The following CSMD1 variants were observed in gnomAD, a reference collection of about 807,000 sequenced individuals.
CSMD1 encodes the protein CUB and Sushi multiple domains 1, also known as CUB and sushi domain-containing protein 1.
Under a neutral mutation model 417.5 loss-of-function variants are expected in CSMD1, and 213 were observed. The observed-to-expected ratio is 0.51, with a 90% CI of 0.46 to 0.57. The LOEUF (loss-of-function observed/expected upper bound fraction) is 0.57. CSMD1 is among the 20% of genes least tolerant of loss of function. CSMD1 has a pLI of 0.00. For synonymous variants in CSMD1, 2,862 were observed against 1,736.8 expected, an observed-to-expected ratio of 1.65 and a Z score of -16.11; for missense variants, 6,923 against 4,529.7, an observed-to-expected ratio of 1.53 and a Z score of -15.17.
At chr8:3,172,452 T>C (rs1336284827) in intron 37 of CSMD1, among the ~76,000 whole-genome samples, 14 of 152,200 alleles carry the variant, frequency 9.2e-5, no homozygotes, top group Admixed American at 5.9e-4. Context: ...AAGGTGCTTA[T>C]CATAACCTAT....
chr8:4,544,778 G>C (rs1042817860), intron 2 of CSMD1, among the ~76,000 whole-genome samples: 2 of 152,122 alleles, frequency 1.3e-5, no homozygotes, highest in African/African-American at 2.4e-5. Context: ...CAGCACTGCT[G>C]TTCACTTATA....
At chr8:3,135,632 G>C (rs1818033492) in intron 41 of CSMD1, among the ~76,000 whole-genome samples, 1 of 149,232 alleles carries the variant, frequency 6.7e-6, no homozygotes, top group Non-Finnish European at 1.5e-5. Flanking sequence ...CTTGAGTGAA[G>C]TCTGCTGATC....
chr8:4,026,011 T>TAA (rs78872159), intron 4 of CSMD1, among the ~76,000 whole-genome samples: 4,989 of 143,080 alleles, frequency 0.035, 98 homozygotes, highest in East Asian at 0.065. Flanking sequence ...AGGAACTCTA[T>TAA]AAAAAAAAAA....
At chr8:3,697,676 G>T (rs376032305) in intron 7 of CSMD1, among the ~76,000 whole-genome samples, 1 of 151,966 alleles carries the variant, frequency 6.6e-6, no homozygotes, top group African/African-American at 2.4e-5. Flanking sequence ...TCCTCCAGAG[G>T]TTCAGAGATT....
At chr8:4,527,255 G>C (rs1796563035) in intron 2 of CSMD1, among the ~76,000 whole-genome samples, 1 of 152,126 alleles carries the variant, frequency 6.6e-6, no homozygotes, top group African/African-American at 2.4e-5. Context: ...TTAGCATTAG[G>C]AGTCTTTTTT....
At chr8:4,367,970 C>G (rs1014862055) in intron 3 of CSMD1, among the ~76,000 whole-genome samples, 1 of 151,976 alleles carries the variant, frequency 6.6e-6, no homozygotes, top group African/African-American at 2.4e-5. Flanking sequence ...ATGGGGTGTT[C>G]TAGGTATAGA....
chr8:3,183,349 C>G lies in CSMD1; in HGVS notation c.5621-2135G>C, dbSNP rs571243934. ...TATCCCTGAAATATCGAGTAGGTCT[C>G]TAATGTTTCTTAACGATACCATCGG... On this transcript the variant is annotated intron_variant, in intron 36 of 69. Transcript: ENST00000635120. 5.2e-4 allele frequency among the ~76,000 whole-genome samples: 77 copies of G among 147,626 alleles called. 8 individuals are homozygous for G. The highest frequency in any genetic ancestry group is 1.9e-3 in the African/African-American group (77 of 39,606).
chr8:3,124,728 T>G lies in CSMD1; in HGVS notation c.6242-6141A>C, dbSNP rs10100625. Among the ~76,000 whole-genome samples the G allele has an allele frequency of 2.6e-5, 4 of 152,258 alleles. No homozygotes were observed. In the East Asian group the frequency reaches 7.7e-4, roughly 29 times the overall value. On this transcript the variant is annotated intron_variant, in intron 41 of 69. Coordinates refer to ENST00000635120, the MANE Select transcript of CSMD1 (RefSeq NM_033225.6). ...ATTGTTCAGACCACAGGACGTTCAT[T>G]AGAACACATTTTATAAGTGGACACA...
At chr8:3,623,623 G>A (rs1019409553) in intron 7 of CSMD1, among the ~76,000 whole-genome samples, 1 of 152,138 alleles carries the variant, frequency 6.6e-6, no homozygotes, top group Non-Finnish European at 1.5e-5. Context: ...ATCAGGCTAT[G>A]AATTGTTAAT....
At chr8:4,108,179 T>C (rs970207903) in intron 3 of CSMD1, among the ~76,000 whole-genome samples, 1 of 152,100 alleles carries the variant, frequency 6.6e-6, no homozygotes, top group East Asian at 1.9e-4. Flanking sequence ...TATTAAGTTG[T>C]ATCAGACTCT....
chr8:4,152,898 T>C (rs1796645038), intron 3 of CSMD1, among the ~76,000 whole-genome samples: 1 of 152,168 alleles, frequency 6.6e-6, no homozygotes, highest in Admixed American at 6.6e-5. Context: ...CTTAAGATTT[T>C]TCTCAAAAAC....
chr8:4,141,641 A>C (rs1050930274), intron 3 of CSMD1, among the ~76,000 whole-genome samples: 1 of 133,548 alleles, frequency 7.5e-6, no homozygotes, highest in Admixed American at 7.6e-5. Flanking sequence ...CTAATTCACA[A>C]GTTTTTTAAA....
intron 7 of CSMD1, among the ~76,000 whole-genome samples, chr8:3,655,567 G>C (rs1334959519): frequency 6.6e-6 from 1 of 151,936 alleles, no homozygotes; most frequent in Non-Finnish European, 1.5e-5. Flanking sequence ...GGTACCAAGA[G>C]AGAACCCCCA....
chr8:4,119,008 A>T (rs141321943), intron 3 of CSMD1, among the ~76,000 whole-genome samples: 3 of 152,178 alleles, frequency 2.0e-5, no homozygotes, highest in African/African-American at 4.8e-5. Flanking sequence ...ACCAAACACC[A>T]CATGTTCTCA....
At chr8:2,959,091 T>C (rs966552065) in intron 62 of CSMD1, among the ~76,000 whole-genome samples, 9 of 152,226 alleles carry the variant, frequency 5.9e-5, no homozygotes, top group Admixed American at 3.3e-4. Context: ...TCTTGATTGA[T>C]TGATTGATTG....
At chr8:4,912,421 T>C (rs749156332) in intron 1 of CSMD1, among the ~76,000 whole-genome samples, 1 of 151,936 alleles carries the variant, frequency 6.6e-6, no homozygotes, top group Admixed American at 6.6e-5. Flanking sequence ...ATCAATGCCA[T>C]TGCAGAAAGG....
At chr8:4,970,258 C>T (rs1254646291) in intron 1 of CSMD1, among the ~76,000 whole-genome samples, 1 of 152,086 alleles carries the variant, frequency 6.6e-6, no homozygotes. Context: ...AGTTGTGAGT[C>T]TCTTTGATCT....
chr8:4,382,609 T>A (rs1407960427), intron 3 of CSMD1, among the ~76,000 whole-genome samples: 1 of 152,236 alleles, frequency 6.6e-6, no homozygotes, highest in African/African-American at 2.4e-5. Flanking sequence ...CATTAAATCT[T>A]AAAGGTCATA....
chr8:4,344,834 G>C (rs1194753101), intron 3 of CSMD1, among the ~76,000 whole-genome samples: 1 of 152,052 alleles, frequency 6.6e-6, no homozygotes, highest in Non-Finnish European at 1.5e-5. Context: ...TCTTTAAAAA[G>C]GATCTTTGAG....
Sources: allele counts gnomAD v4.1 joint callset (sites outside exome capture counted in the v4.1 genomes callset), GRCh38; gene constraint gnomAD v4.1.1; transcripts MANE v1.5; gene names NCBI Gene and HGNC (gene_info 2026-07-23, HGNC 2026-07-21).